The following PRELID2 variants were observed in gnomAD, a reference collection of about 807,000 sequenced individuals.
PRELID2 encodes the protein PRELI domain containing 2.
A neutral mutation model predicts 28.4 loss-of-function variants in PRELID2; 25 were observed. The ratio of observed to expected loss-of-function variants is 0.88; its 90% CI spans 0.64 to 1.23. PRELID2 has a LOEUF of 1.23. Ranked by LOEUF, PRELID2 falls within the 50% of genes most tolerant of loss-of-function variation. The pLI is 0.00. For missense variants in PRELID2, 201 were observed against 214.4 expected, an observed-to-expected ratio of 0.94 and a Z score of 0.39; for synonymous variants, 76 against 71.6, an observed-to-expected ratio of 1.06 and a Z score of -0.31.
chr5:145,589,556 A>G (rs774309011), intron 1 of PRELID2, among the ~76,000 whole-genome samples: 1 of 151,972 alleles, frequency 6.6e-6, no homozygotes, highest in Non-Finnish European at 1.5e-5. Context: ...GTAAGGCTGA[A>G]TTTTTTTTCA....
intron 1 of PRELID2, among the ~76,000 whole-genome samples, chr5:145,675,947 G>A (rs542259512): frequency 5.2e-4 from 79 of 152,272 alleles, no homozygotes; most frequent in Non-Finnish European, 9.7e-4. Context: ...GGGGCTGGGC[G>A]CAGTGGCTCA....
rs561184411 is a variant in PRELID2, at chr5:145,504,690, G to A, written n.71-31375C>T. Among the ~76,000 whole-genome samples, 8 of 152,198 alleles carry A rather than the reference G, an allele frequency of 5.3e-5. No homozygotes were observed. In the South Asian group the frequency reaches 1.5e-3, roughly 28 times the overall value. ...CCTTCCTCATCTGATCTCATTTGTT[G>A]TCTTCTAATCACCTTTTCAAAATTC... On this transcript the variant is annotated intron_variant and non_coding_transcript_variant, in intron 1 of 2. Coordinates refer to the PRELID2 transcript ENST00000510259.
chr5:145,572,557 A>C (rs1038080736), intron 1 of PRELID2, among the ~76,000 whole-genome samples: 15 of 152,308 alleles, frequency 9.8e-5, no homozygotes, highest in Non-Finnish European at 1.9e-4. Flanking sequence ...AGTTATGAGA[A>C]GATGACATTT....
chr5:145,560,351 C>T lies in PRELID2; in HGVS notation n.71-87036G>A, dbSNP rs114997483. On this transcript the variant is annotated intron_variant and non_coding_transcript_variant, in intron 1 of 2. Coordinates refer to the PRELID2 transcript ENST00000510259. ...AGAAACTGTAGTTTCATTATTATAT[C>T]CTCAGAACCTATCACTTACCCAGCA... Among the ~76,000 whole-genome samples, 1,213 of 152,306 alleles carry T rather than the reference C, an allele frequency of 8.0e-3. 7 individuals carry two copies. Among genetic ancestry groups the T allele is most frequent in the Non-Finnish European group, 9.4e-3 (637 of 68,024 alleles).
chr5:145,570,108 C>T (rs1753004023), intron 1 of PRELID2, among the ~76,000 whole-genome samples: 1 of 152,036 alleles, frequency 6.6e-6, no homozygotes, highest in African/African-American at 2.4e-5. Flanking sequence ...TGGTGTTCTC[C>T]CTGTGTGCAT....
chr5:145,463,084 A>C, the PRELID2 span, among the ~76,000 whole-genome samples: 1 of 152,126 alleles, frequency 6.6e-6, no homozygotes, highest in African/African-American at 2.4e-5. Flanking sequence ...TGAACATAAA[A>C]TGATTGTTTA....
chr5:145,701,987 G>A (rs370982236), intron 1 of PRELID2, among the ~76,000 whole-genome samples: 26 of 152,122 alleles, frequency 1.7e-4, no homozygotes, highest in East Asian at 1.4e-3. Context: ...GGAGGTGGAG[G>A]TTGTGGTGAG....
downstream of PRELID2, among the ~76,000 whole-genome samples, chr5:145,470,824 T>C (rs1290092806): frequency 2.0e-5 from 3 of 152,126 alleles, no homozygotes; most frequent in African/African-American, 7.2e-5. Flanking sequence ...TGCATTTCAT[T>C]TTCACAACAT....
At chr5:145,579,715 A>C (rs922298009) in intron 1 of PRELID2, among the ~76,000 whole-genome samples, 1 of 152,050 alleles carries the variant, frequency 6.6e-6, no homozygotes, top group Non-Finnish European at 1.5e-5. Flanking sequence ...ATCGAGGCTG[A>C]GCCCCCCTTT....
chr5:145,264,830 C>T, the PRELID2 span, among the ~76,000 whole-genome samples: 7 of 151,828 alleles, frequency 4.6e-5, no homozygotes, highest in Non-Finnish European at 8.8e-5. Context: ...AAAAATTAGT[C>T]AGGCATGGTG....
At chr5:145,789,403 C>A (rs767483095) in intron 5 of PRELID2, among the ~76,000 whole-genome samples, 4 of 152,056 alleles carry the variant, frequency 2.6e-5, no homozygotes, top group Non-Finnish European at 5.9e-5. Context: ...GGGAAAAAAA[C>A]CAGTCTCTTC....
chr5:145,371,989 CTTTGGG>C, the PRELID2 span, among the ~76,000 whole-genome samples: 1 of 151,034 alleles, frequency 6.6e-6, no homozygotes, highest in Non-Finnish European at 1.5e-5. Flanking sequence ...CTTCTGCTAG[CTTTGGG>C]ATTAGTTTGT....
chr5:145,748,957 C>A (rs539221953), intron 1 of PRELID2, among the ~76,000 whole-genome samples: 6 of 152,224 alleles, frequency 3.9e-5, no homozygotes, highest in Non-Finnish European at 5.9e-5. Flanking sequence ...TTCCTTACAC[C>A]TTATACAAAA....
the PRELID2 span, among the ~76,000 whole-genome samples, chr5:145,302,935 A>G: frequency 0.42 from 63,543 of 151,934 alleles, 14,069 homozygotes; most frequent in African/African-American, 0.57. Flanking sequence ...ACAGTATTAC[A>G]ATCATGGGAT....
At chr5:145,661,999 GA>G (rs1329317196) in intron 1 of PRELID2, among the ~76,000 whole-genome samples, 2 of 152,010 alleles carry the variant, frequency 1.3e-5, no homozygotes, top group African/African-American at 4.8e-5. Context: ...GTTTTGTCAA[GA>G]AATGCCTAAG....
At chr5:145,677,204 G>T (rs1392293135) in intron 1 of PRELID2, among the ~76,000 whole-genome samples, 9 of 146,512 alleles carry the variant, frequency 6.1e-5, no homozygotes, top group Non-Finnish European at 1.3e-4. Flanking sequence ...ATCCAGGCTG[G>T]AGTGCAGTGG....
the PRELID2 span, chr5:145,429,725 G>A: frequency 6.6e-6 from 1 of 151,672 alleles, no homozygotes; most frequent in Non-Finnish European, 1.5e-5. Flanking sequence ...ATCAAGAAGT[G>A]GAGACTCTTT....
At chr5:145,546,691 C>T (rs116144472) in intron 1 of PRELID2, among the ~76,000 whole-genome samples, 110 of 152,296 alleles carry the variant, frequency 7.2e-4, no homozygotes, top group African/African-American at 2.5e-3. Flanking sequence ...TCTCTCCTGC[C>T]ATGATTCCCT....
chr5:145,396,076 T>C, the PRELID2 span, among the ~76,000 whole-genome samples: 1 of 152,158 alleles, frequency 6.6e-6, no homozygotes. Context: ...GTTAAGTATA[T>C]CAACCACGTG....
Sources: gnomAD v4.1 joint callset for allele counts (sites outside exome capture counted in the v4.1 genomes callset) on GRCh38, gnomAD v4.1.1 for gene constraint, MANE v1.5 for transcripts, NCBI Gene and HGNC (gene_info 2026-07-23, HGNC 2026-07-21) for gene names.